The following PIEZO1 variants were observed in gnomAD, a reference collection of about 807,000 sequenced individuals.
PIEZO1 encodes piezo-type mechanosensitive ion channel component 1.
A neutral mutation model predicts 297.2 loss-of-function variants in PIEZO1; 296 were observed. The ratio of observed to expected loss-of-function variants is 1.00; its 90% confidence interval spans 0.91 to 1.10. PIEZO1 has a LOEUF of 1.10. Among genes scored for constraint, PIEZO1 ranks in the 50% least tolerant of loss-of-function variants. The pLI, the probability that PIEZO1 is intolerant of heterozygous loss-of-function variation, is 0.00. For missense variants in PIEZO1, 5,018 were observed against 3,455.5 expected (o/e 1.45, Z -11.34); for synonymous variants, 2,427 against 1,507.5 (o/e 1.61, Z -14.13).
intron 1 of PIEZO1, among the ~76,000 whole-genome samples, chr16:88,777,133 C>T (rs1907701996): frequency 6.6e-6 from 1 of 152,220 alleles, no homozygotes; most frequent in Non-Finnish European, 1.5e-5. Context: ...TCACCATACC[C>T]AGCTAATTTT....
At chr16:88,760,053 G>A (rs1270559940) in intron 1 of PIEZO1, among the ~76,000 whole-genome samples, 3 of 96,520 alleles carry the variant, frequency 3.1e-5, no homozygotes, top group Non-Finnish European at 2.1e-5. Flanking sequence ...AAAGGCCCCA[G>A]CGGACGTGAC....
chr16:88,744,804 G>A (rs1307010704), intron 2 of PIEZO1, among the ~76,000 whole-genome samples: 7 of 151,938 alleles, frequency 4.6e-5, no homozygotes, highest in Admixed American at 2.0e-4. Context: ...TGGCACGCCC[G>A]CTCCCTGCCT....
chr16:88,721,597 AG>A lies in PIEZO1; in HGVS notation c.5343del (p.Tyr1782ThrfsTer139). On this transcript the variant is annotated frameshift_variant, in exon 38 of 51. Coordinates refer to ENST00000301015, the MANE Select transcript of PIEZO1 (RefSeq NM_001142864.4). LOFTEE classifies it high-confidence loss of function. ...AGCTGCACCAGGTCGTACTTGATGT[AG>A]CCGTCAGTCTTCTCCAGGCCCAGGA... ...PRILGLEKTD[G>X]YIKYDLVQLM... is the part of the protein sequence containing the mutation. 1 of 1,550,234 alleles carries A rather than the reference AG, an allele frequency of 6.5e-7. No individual in the cohort carries two copies. Among genetic ancestry groups the A allele is most frequent in the South Asian group, 1.2e-5 (1 of 84,058 alleles).
At chr16:88,765,270 C>A (rs141193050) in intron 1 of PIEZO1, among the ~76,000 whole-genome samples, 54 of 152,342 alleles carry the variant, frequency 3.5e-4, no homozygotes, top group African/African-American at 1.2e-3. Context: ...CGGAGGCAGC[C>A]TGGAGAGGGG....
In PIEZO1 at chr16:88,726,441, C is replaced by A; in HGVS notation, c.3811G>T (p.Asp1271Tyr). The A allele has an allele frequency of 1.9e-6, 3 of 1,550,102 alleles. No homozygotes were observed. The highest frequency in any genetic ancestry group is 2.6e-6 in the Non-Finnish European group (3 of 1,146,658). ...KGYYDPKEMM[D>Y]RDQDCLLPVE... ...GGCAGCAGGCAGTCCTGGTCTCTGT[C>A]CATCATCTCCTTGGCTGCAAGGCAG... The change falls in exon 27 of 51, where the codon GAC (aspartate) becomes TAC (tyrosine). Residue 1271 changes from aspartate to tyrosine, a missense_variant. By Grantham distance (160) the Asp-to-Tyr change is radical (BLOSUM62 -3). Coordinates refer to ENST00000301015, the MANE Select transcript of PIEZO1 (RefSeq NM_001142864.4).
rs533041582 is a variant in PIEZO1 at position 88,721,626 on chromosome 16, C to A, written c.5315G>T (p.Arg1772Leu). The change falls in exon 38 of 51, where the codon CGC becomes CTC. Residue 1772 changes from arginine to leucine, a missense_variant. Transcript: ENST00000301015. ...RYENKPYFPP[R>L]ILGLEKTDGY... ...GTCAGTCTTCTCCAGGCCCAGGATGCGGGGCGGGAAGTAGGGCTTGTTCTC... is the reference window on the plus strand; with the variant it reads ...GTCAGTCTTCTCCAGGCCCAGGATGAGGGGCGGGAAGTAGGGCTTGTTCTC... 3.9e-6 allele frequency: 6 copies of A among 1,549,988 alleles called. No homozygotes were observed. Among genetic ancestry groups the A allele is most frequent in the Non-Finnish European group, 5.2e-6 (6 of 1,146,856 alleles).
chr16:88,737,882 C>T, intron 8 of PIEZO1, 52 bp downstream of exon 8: 1 of 1,532,772 alleles, frequency 6.5e-7, no homozygotes, highest in Non-Finnish European at 8.7e-7. Context: ...GGTCCTGAGA[C>T]CAGCCCCATG....
At chr16:88,733,499 G>C (rs1209828386) in intron 18 of PIEZO1, 45 bp from the exon 19 acceptor site, 1 of 1,534,256 alleles carries the variant, frequency 6.5e-7, no homozygotes, top group African/African-American at 1.4e-5. Context: ...GAGGGCAGTG[G>C]GCACGTGGGG....
At position 88,721,833 on chromosome 16, in the gene PIEZO1, C is replaced by T. The variant is rs1369868483; in HGVS notation, c.5189G>A (p.Trp1730Ter). Reference sequence around the variant, plus strand: ...CTCGGTGAAGACGATGGCCGTCATCCAGAAGCGCTTGCTGGGCCTCGGGAT... The same window carrying T: ...CTCGGTGAAGACGATGGCCGTCATCTAGAAGCGCTTGCTGGGCCTCGGGAT... Reference protein sequence around the residue: ...LSIPRPSKRFWMTAIVFTEIA... With the variant: ...LSIPRPSKRF The change falls in exon 37 of 51, where the codon TGG becomes TAG. Residue 1730 changes from tryptophan (W) to a stop codon, truncating the protein, a stop_gained. Transcript: ENST00000301015. LOFTEE classifies it high-confidence loss of function. 1 of 1,548,392 alleles carries T rather than the reference C, an allele frequency of 6.5e-7. No individual in the cohort carries two copies. Among genetic ancestry groups the T allele is most frequent in the East Asian group, 2.4e-5 (1 of 40,896 alleles).
chr16:88,735,159 T>TCAGC lies in PIEZO1; in HGVS notation c.1641_1644dup (p.Thr549AlafsTer229). 1 of 1,550,324 alleles carries TCAGC rather than the reference T, an allele frequency of 6.5e-7. No individual in the cohort carries two copies. Among genetic ancestry groups the TCAGC allele is most frequent in the African/African-American group, 1.4e-5 (1 of 73,182 alleles). ...CCTGTGTCTGCCACGGTGACCTCCGTCAGCGCAGCTGGAGACTCTGCCCAC... is the reference window on the plus strand; with the variant it reads ...CCTGTGTCTGCCACGGTGACCTCCGTCAGCCAGCGCAGCTGGAGACTCTGCCCAC... On this transcript the variant is annotated frameshift_variant, in exon 13 of 51. Coordinates refer to ENST00000301015, the MANE Select transcript of PIEZO1 (RefSeq NM_001142864.4). LOFTEE classifies it high-confidence loss of function.
At chr16:88,759,037 G>A (rs532854669) in intron 1 of PIEZO1, among the ~76,000 whole-genome samples, 18 of 152,172 alleles carry the variant, frequency 1.2e-4, no homozygotes, top group African/African-American at 2.9e-4. Flanking sequence ...CCCTACCCAC[G>A]GCATTTCCCT....
Position 88,721,235 on chromosome 16 carries a change from T to C in PIEZO1, c.5599A>G (p.Arg1867Gly), listed in dbSNP as rs1207585839. The C allele has an allele frequency of 1.3e-6, 2 of 1,540,332 alleles. No individual in the cohort carries two copies. The highest frequency in any genetic ancestry group is 4.9e-5 in the East Asian group (2 of 40,884). The change falls in exon 39 of 51, where the codon AGG becomes GGG. Residue 1867 changes from arginine to glycine, a missense_variant. Physicochemically the swap from Arg to Gly is moderately radical, Grantham distance 125. Coordinates refer to ENST00000301015, the MANE Select transcript of PIEZO1 (RefSeq NM_001142864.4). ...PQVELRPRDT[R>G]RISLRFRRRK... is the part of the protein sequence containing the mutation. ...CTTCTAAAACGTAGACTGATGCGCC[T>C]CGTATCACGGGGCCTGAGCTCCACT... is the stretch of plus-strand genomic sequence containing the variant.
intron 22 of PIEZO1, among the ~76,000 whole-genome samples, chr16:88,730,285 C>T (rs1904712938): frequency 1.3e-5 from 2 of 152,268 alleles, no homozygotes; most frequent in Middle Eastern, 3.4e-3. Flanking sequence ...GAGGCAGCAG[C>T]GCCTGGGAGC....
intron 1 of PIEZO1, among the ~76,000 whole-genome samples, chr16:88,764,839 G>A (rs11641682): frequency 0.27 from 40,534 of 151,782 alleles, 6,471 homozygotes; most frequent in East Asian, 0.4. Flanking sequence ...CTCCCAAAAC[G>A]AGGACTCCGC....
intron 17 of PIEZO1, 28 bp from the exon 18 acceptor site, chr16:88,733,773 G>C: frequency 5.3e-6 from 8 of 1,500,422 alleles, no homozygotes; most frequent in Non-Finnish European, 7.1e-6. Flanking sequence ...TCAGTGCGGG[G>C]CACAAACGGG....
At chr16:88,772,750 G>T (rs1174758438) in intron 1 of PIEZO1, among the ~76,000 whole-genome samples, 2 of 145,222 alleles carry the variant, frequency 1.4e-5, no homozygotes, top group African/African-American at 5.1e-5. Flanking sequence ...CTGCATTCCA[G>T]CCTGGCCAAA....
intron 1 of PIEZO1, among the ~76,000 whole-genome samples, chr16:88,775,741 A>AAG (rs1555512957): frequency 2.0e-5 from 3 of 151,414 alleles, no homozygotes; most frequent in East Asian, 1.9e-4. Flanking sequence ...AAAAAAAAAA[A>AAG]AAAGAAAAGA....
chr16:88,740,419 C>A, intron 5 of PIEZO1: 1 of 152,552 alleles, frequency 6.6e-6, no homozygotes. Context: ...AGCTCATGCC[C>A]CATGCCCCCA....
At chr16:88,735,296 C>T in intron 12 of PIEZO1, 50 bp from the exon 13 acceptor site, 1 of 1,336,440 alleles carries the variant, frequency 7.5e-7, no homozygotes, top group Non-Finnish European at 1.0e-6. Context: ...CAGCACCCCT[C>T]CCACAGCCGG....
Sources: allele counts gnomAD v4.1 joint callset (sites outside exome capture counted in the v4.1 genomes callset), GRCh38; gene constraint gnomAD v4.1.1; transcripts MANE v1.5; gene names NCBI Gene and HGNC (gene_info 2026-07-23, HGNC 2026-07-21).